KCNQ1: variants seen among roughly 807,000 people sequenced by gnomAD.
The protein encoded by KCNQ1 is potassium voltage-gated channel subfamily Q member 1.
In KCNQ1, 49 loss-of-function variants were observed where a neutral mutation model predicts 72.4. The observed-to-expected ratio is 0.68, with a 90% confidence interval of 0.54 to 0.86. The LOEUF is 0.86. Among genes scored for constraint, KCNQ1 ranks in the 40% least tolerant of loss-of-function variants. KCNQ1 has a pLI of 0.00. For missense variants in KCNQ1, 790 were observed against 945.1 expected, an observed-to-expected ratio of 0.84 and a Z score of 2.15; for synonymous variants, 450 against 412.6, an observed-to-expected ratio of 1.09 and a Z score of -1.10.
In KCNQ1 at chr11:2,588,566, C is replaced by T; in HGVS notation, c.1252-147C>T. The T allele has an allele frequency of 1.0e-6, 1 of 962,308 alleles. No homozygotes were observed. The highest frequency in any genetic ancestry group is 1.6e-6 in the Non-Finnish European group (1 of 626,790). 59.6% of individuals were successfully genotyped at this position (962,308 alleles called of 1,614,324 possible). A position where few individuals can be genotyped will look rare whatever the true frequency, so the allele number is the denominator to read the frequency against. ...CCTGCCCTGTCTCTGTGTGAAGACA[C>T]TGGAGCTGGCCCCAGGCCTCAGGTC... On this transcript the variant is annotated intron_variant, in intron 9 of 15. Coordinates refer to ENST00000155840, the MANE Select transcript of KCNQ1 (RefSeq NM_000218.3). The surrounding 1 kb of genome is among the most constrained non-coding windows in gnomAD (Gnocchi z 5.6).
Position 2,550,290 on chromosome 11 carries a change from C to T in KCNQ1, c.478-20338C>T, listed in dbSNP as rs954237545. ...GGTCTTTGCAGTTGCAGAGCCGTGGCGCGGCGCCTGGATTTCCGACACACT... is the reference window on the plus strand; with the variant it reads ...GGTCTTTGCAGTTGCAGAGCCGTGGTGCGGCGCCTGGATTTCCGACACACT... On this transcript the variant is annotated intron_variant, in intron 2 of 15. Transcript: ENST00000155840. This position sits in a 1 kb window ranked among gnomAD's most constrained non-coding sequence, Gnocchi z 6.0. Among the ~76,000 whole-genome samples, 41 of 152,182 alleles carry T rather than the reference C, an allele frequency of 2.7e-4. No individual in the cohort carries two copies. Among genetic ancestry groups the T allele is most frequent in the Admixed American group, 7.9e-4 (12 of 15,284 alleles).
At chr11:2,737,608 TGAC>T (rs1278102405) in intron 11 of KCNQ1, among the ~76,000 whole-genome samples, 2 of 152,242 alleles carry the variant, frequency 1.3e-5, no homozygotes, top group Admixed American at 1.3e-4. Flanking sequence ...TGAGTGAATT[TGAC>T]TCCGTTCACG....
chr11:2,789,641 C>T (rs1013146463), intron 15 of KCNQ1, among the ~76,000 whole-genome samples: 1 of 152,242 alleles, frequency 6.6e-6, no homozygotes, highest in East Asian at 1.9e-4. Context: ...CAGCTGCGCT[C>T]CGGGATGCTG....
chr11:2,508,806 A>G lies in KCNQ1; in HGVS notation c.387-19122A>G, dbSNP rs1847147173. On this transcript the variant is annotated intron_variant, in intron 1 of 15. Transcript: ENST00000155840. This position sits in a 1 kb window ranked among gnomAD's most constrained non-coding sequence, Gnocchi z 6.2. Reference sequence around the variant, plus strand: ...GAAAGCCATCAATTCCCCTGCTCTCATACAGGCTTGAGGAGGGCTAAGGAA... The same window carrying G: ...GAAAGCCATCAATTCCCCTGCTCTCGTACAGGCTTGAGGAGGGCTAAGGAA... 6.6e-6 allele frequency among the ~76,000 whole-genome samples: 1 copy of G among 152,230 alleles called. No homozygotes were observed. The highest frequency in any genetic ancestry group is 2.4e-5 in the African/African-American group (1 of 41,456).
intron 6 of KCNQ1, among the ~76,000 whole-genome samples, chr11:2,580,670 T>C (rs1848486056): frequency 6.6e-6 from 1 of 152,134 alleles, no homozygotes; most frequent in African/African-American, 2.4e-5. Context: ...TCAGCACACA[T>C]TTGCCTGGGG....
intron 2 of KCNQ1, among the ~76,000 whole-genome samples, chr11:2,546,194 ACTT>A (rs1186621684): frequency 6.6e-6 from 1 of 151,728 alleles, no homozygotes; most frequent in East Asian, 1.9e-4. Context: ...TTCCTTTTTA[ACTT>A]CTTCTCTGGT....
At chr11:2,829,286 G>T (rs1167238117) in intron 15 of KCNQ1, among the ~76,000 whole-genome samples, 1 of 152,092 alleles carries the variant, frequency 6.6e-6, no homozygotes, top group Non-Finnish European at 1.5e-5. Flanking sequence ...AAACAGTCCT[G>T]CTAAGACTCC....
chr11:2,548,907 G>A (rs1847938330), intron 2 of KCNQ1, among the ~76,000 whole-genome samples: 1 of 152,200 alleles, frequency 6.6e-6, no homozygotes, highest in Admixed American at 6.5e-5. Flanking sequence ...CTGTCTGGCG[G>A]GAATAAAGGG....
At position 2,477,174 on chromosome 11, in the gene KCNQ1, G is replaced by T. The variant is rs75926504; in HGVS notation, c.386+31690G>T. ...TCCACAGCTGACGGTGAACACATTG[G>T]CAGGTGAGATATGTGGAGACATGGC... On this transcript the variant is annotated intron_variant, in intron 1 of 15. Transcript: ENST00000155840. This position sits in a 1 kb window ranked among gnomAD's most constrained non-coding sequence, Gnocchi z 5.0. 0.024 allele frequency among the ~76,000 whole-genome samples: 3,664 copies of T among 152,316 alleles called. 142 individuals are homozygous for T. The highest frequency in any genetic ancestry group is 0.079 in the African/African-American group (3,295 of 41,556).
chr11:2,587,890 G>T (rs914492785), intron 9 of KCNQ1, among the ~76,000 whole-genome samples, 198 bp downstream of exon 9: 1 of 152,184 alleles, frequency 6.6e-6, no homozygotes, highest in African/African-American at 2.4e-5. Flanking sequence ...CGACTTGGGG[G>T]TATGTAGGAC....
At position 2,723,407 on chromosome 11, in the gene KCNQ1, A is replaced by G. The variant is rs1845704685; in HGVS notation, c.1515-45437A>G. Among the ~76,000 whole-genome samples the G allele has an allele frequency of 6.6e-6, 1 of 152,232 alleles. No individual in the cohort carries two copies. The highest frequency in any genetic ancestry group is 1.5e-5 in the Non-Finnish European group (1 of 68,036). On this transcript the variant is annotated intron_variant, in intron 11 of 15. Coordinates refer to ENST00000155840, the MANE Select transcript of KCNQ1 (RefSeq NM_000218.3). This position sits in a 1 kb window ranked among gnomAD's most constrained non-coding sequence, Gnocchi z 4.2. ...CCCATCTGTAAAGTGGGATGTGACA[A>G]TACCCTTCTTGCTGAATGGGCAGGG...
At chr11:2,836,987 G>A (rs747479495) in intron 15 of KCNQ1, among the ~76,000 whole-genome samples, 7 of 152,302 alleles carry the variant, frequency 4.6e-5, no homozygotes, top group South Asian at 2.1e-4. Flanking sequence ...CATGTGAGGC[G>A]TTCACAGAAA....
intron 2 of KCNQ1, among the ~76,000 whole-genome samples, chr11:2,545,723 A>C (rs936527497): frequency 1.3e-5 from 2 of 152,108 alleles, no homozygotes; most frequent in African/African-American, 4.8e-5. Context: ...TATTCAGGTG[A>C]TTGCTTCTTG....
At position 2,627,302 on chromosome 11, in the gene KCNQ1, G is replaced by A. The variant is rs1297849649; in HGVS notation, c.1394-34659G>A. ...AACATATACCTTACATAGTTGCCAT[G>A]TGTGTGCGTGTGTGTGGTCAGAATA... On this transcript the variant is annotated intron_variant, in intron 10 of 15. Transcript: ENST00000155840. This position sits in a 1 kb window ranked among gnomAD's most constrained non-coding sequence, Gnocchi z 4.9. 2.5e-6 allele frequency: 1 copy of A among 398,386 alleles called. No individual in the cohort carries two copies. The highest frequency in any genetic ancestry group is 3.6e-5 in the East Asian group (1 of 28,074). The allele number at this position is 398,386 out of a possible 1,614,324, so 24.7% of individuals were successfully genotyped here.
Position 2,603,601 on chromosome 11 carries a change from C to A in KCNQ1, c.1393+14747C>A, listed in dbSNP as rs1270868991. On this transcript the variant is annotated intron_variant, in intron 10 of 15. Transcript: ENST00000155840. This position sits in a 1 kb window ranked among gnomAD's most constrained non-coding sequence, Gnocchi z 4.1. ...TCTCTATGGGTTTGCCTATTCTGGA[C>A]ATTTTATATAAGTGGAATCATACAA... Among the ~76,000 whole-genome samples the A allele has an allele frequency of 6.6e-6, 1 of 152,156 alleles. No homozygotes were observed. Among genetic ancestry groups the A allele is most frequent in the Non-Finnish European group, 1.5e-5 (1 of 68,036 alleles).
At chr11:2,837,645 A>G (rs529653459) in intron 15 of KCNQ1, among the ~76,000 whole-genome samples, 14 of 152,190 alleles carry the variant, frequency 9.2e-5, no homozygotes, top group Admixed American at 1.3e-4. Context: ...GGAAGTGGCC[A>G]CAGCCAAACC....
intron 15 of KCNQ1, chr11:2,839,819 G>C (rs1848164521): frequency 6.6e-6 from 1 of 152,226 alleles, no homozygotes; most frequent in Non-Finnish European, 1.5e-5. Context: ...TGGGAGAGGT[G>C]TGGGTTCCAG....
intron 11 of KCNQ1, among the ~76,000 whole-genome samples, chr11:2,716,764 C>T (rs1352423191): frequency 3.9e-5 from 6 of 152,186 alleles, no homozygotes; most frequent in African/African-American, 9.7e-5. Context: ...CTGGGTGGCC[C>T]GCATTGAACA....
At chr11:2,577,432 G>A (rs548004153) in intron 6 of KCNQ1, among the ~76,000 whole-genome samples, 1 of 152,326 alleles carries the variant, frequency 6.6e-6, no homozygotes, top group South Asian at 2.1e-4. Context: ...CCGGCAGGGC[G>A]CTGAGCCTGG....
Sources: gnomAD v4.1 joint callset for allele counts (sites outside exome capture counted in the v4.1 genomes callset) on GRCh38, gnomAD v4.1.1 for gene constraint, Gnocchi (gnomAD v3.1) non-coding constraint, MANE v1.5 for transcripts, NCBI Gene and HGNC (gene_info 2026-07-23, HGNC 2026-07-21) for gene names.